Variants in ARMC1 observed in about 807,000 individuals in gnomAD.
The protein encoded by ARMC1 is armadillo repeat containing 1, also known as armadillo repeat-containing protein 1.
Under a neutral mutation model 31.4 loss-of-function variants are expected in ARMC1, and 16 were observed. The ratio of observed to expected loss-of-function variants is 0.51; its 90% CI spans 0.34 to 0.77. The LOEUF is 0.77. Ranked by LOEUF, ARMC1 falls within the 30% of genes least tolerant of loss-of-function variation. The probability of loss-of-function intolerance (pLI) is 0.01; values close to 1 mark genes in which losing one functional copy is unlikely to be tolerated. For missense variants in ARMC1, 259 were observed against 347.5 expected, an observed-to-expected ratio of 0.75 and a Z score of 2.02; for synonymous variants, 114 against 118.9, an observed-to-expected ratio of 0.96 and a Z score of 0.27.
rs1334523892 is a variant in ARMC1 at position 65,604,454 on chromosome 8, T to C, written c.789A>G (p.Glu263=). The C allele has an allele frequency of 6.2e-7, 1 of 1,614,186 alleles. No individual in the cohort carries two copies. The highest frequency in any genetic ancestry group is 1.7e-5 in the Admixed American group (1 of 60,004). Residue 263 remains glutamate (E), a synonymous_variant, in exon 7 of 7, where the codon GAA becomes GAG. Coordinates refer to ENST00000276569, the MANE Select transcript of ARMC1 (RefSeq NM_018120.6). ...CTGTGCTAAGCCAGCTAGCTCCACC[T>C]TCTGGGTGTGAGCCGACCCGGGACA... The part of the protein sequence containing the change: ...KAVSRVGSHP[E]GGASWLSTAA...
At chr8:65,605,209 T>C in intron 6 of ARMC1, 54 bp downstream of exon 6, 1 of 1,465,972 alleles carries the variant, frequency 6.8e-7, no homozygotes, top group South Asian at 1.2e-5. Context: ...CTGCTAGCCA[T>C]AAAAAATAAT....
intron 4 of ARMC1, among the ~76,000 whole-genome samples, chr8:65,611,833 G>C (rs1407415208): frequency 6.6e-6 from 1 of 151,414 alleles, no homozygotes; most frequent in Non-Finnish European, 1.5e-5. Context: ...GAGTGCAGTG[G>C]CGTGATCTCA....
intron 3 of ARMC1, among the ~76,000 whole-genome samples, chr8:65,616,733 C>T (rs1308031360): frequency 6.6e-6 from 1 of 151,346 alleles, no homozygotes; most frequent in East Asian, 2.0e-4. Context: ...TGGGGAGCGC[C>T]TCTGCCCCGC....
chr8:65,630,126 CA>C (rs1808610323), intron 1 of ARMC1, among the ~76,000 whole-genome samples: 1 of 152,238 alleles, frequency 6.6e-6, no homozygotes, highest in East Asian at 1.9e-4. Flanking sequence ...GCCTGGGTGA[CA>C]GAGCTAGACT....
In ARMC1 at chr8:65,613,521, T is replaced by C. The variant is rs999520947; in HGVS notation, c.276-88A>G. 6 of 874,802 alleles carry C rather than the reference T, an allele frequency of 6.9e-6. No individual in the cohort carries two copies. The South Asian group carries it at 7.9e-5, about 11-fold the overall frequency. 54.2% of individuals were successfully genotyped at this position (874,802 alleles called of 1,614,324 possible). On this transcript the variant is annotated intron_variant, in intron 3 of 6. Coordinates refer to ENST00000276569, the MANE Select transcript of ARMC1 (RefSeq NM_018120.6). ...TCCACTAAAAGGAGCCTTGTTTCTT[T>C]TACTCTAATGCCTTGTTCAATTTAA...
At chr8:65,632,219 T>A (rs1159238508) in intron 1 of ARMC1, among the ~76,000 whole-genome samples, 2 of 152,078 alleles carry the variant, frequency 1.3e-5, no homozygotes, top group East Asian at 3.9e-4. Flanking sequence ...GGGGTGGATC[T>A]CTTGAGCCTA....
chr8:65,632,324 G>A (rs940244192), intron 1 of ARMC1, among the ~76,000 whole-genome samples: 10 of 152,034 alleles, frequency 6.6e-5, no homozygotes, highest in Non-Finnish European at 1.5e-4. Context: ...CTGGGAGCTC[G>A]ACAGAGTGAC....
chr8:65,609,577 G>A (rs966388652), intron 4 of ARMC1, among the ~76,000 whole-genome samples: 1 of 152,074 alleles, frequency 6.6e-6, no homozygotes, highest in Non-Finnish European at 1.5e-5. Flanking sequence ...AAAAGCTGTG[G>A]GCCAGGCGCC....
chr8:65,613,885 G>A (rs755607487), intron 3 of ARMC1, among the ~76,000 whole-genome samples: 13 of 151,796 alleles, frequency 8.6e-5, no homozygotes, highest in South Asian at 2.1e-4. Flanking sequence ...ACTTGAACCC[G>A]GGAGGCAGAA....
In ARMC1 at chr8:65,627,450, C is replaced by A; in HGVS notation, c.-35-17G>T. 1 of 1,449,034 alleles carries A rather than the reference C, an allele frequency of 6.9e-7. No individual in the cohort carries two copies. Among genetic ancestry groups the A allele is most frequent in the Non-Finnish European group, 9.2e-7 (1 of 1,083,404 alleles). 89.8% of individuals were successfully genotyped at this position (1,449,034 alleles called of 1,614,324 possible). A position where few individuals can be genotyped will look rare whatever the true frequency, so the allele number is the denominator to read the frequency against. ...TCTTAAATTCTGTAGAAAAGGTTTGCAGAATTAGTTCTAGGCTGCTGAGGT... is the reference window on the plus strand; with the variant it reads ...TCTTAAATTCTGTAGAAAAGGTTTGAAGAATTAGTTCTAGGCTGCTGAGGT... On this transcript the variant is annotated splice_polypyrimidine_tract_variant and intron_variant, in intron 1 of 6. Coordinates refer to ENST00000276569, the MANE Select transcript of ARMC1 (RefSeq NM_018120.6).
chr8:65,629,615 G>A (rs997530565), intron 1 of ARMC1, among the ~76,000 whole-genome samples: 2 of 151,506 alleles, frequency 1.3e-5, no homozygotes, highest in East Asian at 2.0e-4. Flanking sequence ...CCTGACCATC[G>A]TGGTGAAACC....
At chr8:65,624,766 A>G (rs1808479573) in intron 2 of ARMC1, among the ~76,000 whole-genome samples, 1 of 151,700 alleles carries the variant, frequency 6.6e-6, no homozygotes, top group Non-Finnish European at 1.5e-5. Flanking sequence ...AATAAATTAA[A>G]ATAAAAACAA....
At chr8:65,632,895 T>C (rs1808678828) in intron 1 of ARMC1, 1 of 152,260 alleles carries the variant, frequency 6.6e-6, no homozygotes, top group South Asian at 2.1e-4. Context: ...AGACTTTTTA[T>C]ACCTTTACTT....
Position 65,618,999 on chromosome 8 carries a change from C to T in ARMC1, c.275+3264G>A, listed in dbSNP as rs1027280403. ...CGGAGGTTGCAGTGAGCCGAGATCG[C>T]GCCACTGCACTACAGCCTGGGCTAC... On this transcript the variant is annotated intron_variant, in intron 3 of 6. Coordinates refer to ENST00000276569, the MANE Select transcript of ARMC1 (RefSeq NM_018120.6). Among the ~76,000 whole-genome samples, 4 of 151,762 alleles carry T rather than the reference C, an allele frequency of 2.6e-5. No individual in the cohort carries two copies. In the South Asian group the frequency reaches 6.3e-4, roughly 24 times the overall value.
rs1187929460 is a variant in ARMC1, at chr8:65,602,796, T to C, written c.*1598A>G. On this transcript the variant is annotated 3_prime_UTR_variant, in exon 7 of 7. Transcript: ENST00000276569. ...AAGTTATATTATGCATTTAGAGCAATAGGTGCCCTGAAAGTTATTGTTGCT... is the reference window on the plus strand; with the variant it reads ...AAGTTATATTATGCATTTAGAGCAACAGGTGCCCTGAAAGTTATTGTTGCT... 6.6e-6 allele frequency: 1 copy of C among 151,836 alleles called. No individual in the cohort carries two copies. The highest frequency in any genetic ancestry group is 1.5e-5 in the Non-Finnish European group (1 of 67,968). The allele number at this position is 151,836 out of a possible 1,614,324, so 9.4% of individuals were successfully genotyped here.
intron 1 of ARMC1, among the ~76,000 whole-genome samples, chr8:65,631,127 T>C (rs1250820052): frequency 1.3e-5 from 2 of 152,172 alleles, no homozygotes; most frequent in Non-Finnish European, 2.9e-5. Context: ...TAGAAGGGTT[T>C]TATGTAAAAC....
intron 3 of ARMC1, among the ~76,000 whole-genome samples, chr8:65,619,747 G>T (rs1462860867): frequency 6.6e-6 from 1 of 151,858 alleles, no homozygotes; most frequent in Non-Finnish European, 1.5e-5. Context: ...ACTTTGGGAG[G>T]CTGAGACGGG....
rs1808260612 is a variant in ARMC1, at chr8:65,616,445, C to CACG, written c.276-3013_276-3012insCGT. On this transcript the variant is annotated intron_variant, in intron 3 of 6. Coordinates refer to ENST00000276569, the MANE Select transcript of ARMC1 (RefSeq NM_018120.6). ...CTGGTTCACTCAGTGCTCAATGGTGCCCAGGCTGGAGTGCAGTGGCGTAAT... is the reference window on the plus strand; with the variant it reads ...CTGGTTCACTCAGTGCTCAATGGTGCACGCCAGGCTGGAGTGCAGTGGCGTAAT... Among the ~76,000 whole-genome samples, 3 of 152,334 alleles carry CACG rather than the reference C, an allele frequency of 2.0e-5. No homozygotes were observed. In the South Asian group the frequency reaches 6.2e-4, roughly 32 times the overall value.
Position 65,627,330 on chromosome 8 carries a change from A to T in ARMC1, c.69T>A (p.Asp23Glu). The T allele has an allele frequency of 6.2e-7, 1 of 1,613,490 alleles. No homozygotes were observed. Among genetic ancestry groups the T allele is most frequent in the Non-Finnish European group, 8.5e-7 (1 of 1,179,696 alleles). Residue 23 changes from aspartate to glutamate, a missense_variant, in exon 2 of 7, where the codon GAT becomes GAA. Transcript: ENST00000276569. ...DALSVVNQLR[D>E]LAADPLNRRA... ...TTCTGTTTAACGGATCTGCTGCTAG[A>T]TCCCGTAACTGGTTAACTACCGATA...
Sources: allele counts gnomAD v4.1 joint callset (sites outside exome capture counted in the v4.1 genomes callset), GRCh38; gene constraint gnomAD v4.1.1; transcripts MANE v1.5; gene names NCBI Gene and HGNC (gene_info 2026-07-23, HGNC 2026-07-21).